ADARB2: variants seen among roughly 807,000 people sequenced by gnomAD.
The protein encoded by ADARB2 is inactive double-stranded RNA-specific editase B2.
ADARB2 carries 25 observed loss-of-function variants against 62.2 expected under a neutral mutation model. That is an observed-to-expected ratio of 0.40 (90% CI 0.29 to 0.56). The LOEUF (loss-of-function observed/expected upper bound fraction) is 0.56. Among genes scored for constraint, ADARB2 ranks in the 20% least tolerant of loss-of-function variants. The pLI is 0.43. For synonymous variants in ADARB2, 572 were observed against 500.8 expected (o/e 1.14, Z -1.90); for missense variants, 1,071 against 1,077.4 (o/e 0.99, Z 0.08).
At chr10:1,625,979 C>T (rs1003454238) in intron 1 of ADARB2, among the ~76,000 whole-genome samples, 1 of 116,468 alleles carries the variant, frequency 8.6e-6, no homozygotes, top group East Asian at 2.1e-4. Flanking sequence ...TGCCCACGCT[C>T]GCTCCAGCAT....
At position 1,363,326 on chromosome 10, in the gene ADARB2, G is replaced by A; in HGVS notation, c.779C>T (p.Ala260Val). The A allele has an allele frequency of 8.1e-7, 1 of 1,238,646 alleles. No individual in the cohort carries two copies. Among genetic ancestry groups the A allele is most frequent in the Non-Finnish European group, 1.0e-6 (1 of 991,184 alleles). 76.7% of individuals were successfully genotyped at this position (1,238,646 alleles called of 1,614,324 possible). ...GGGGGTCGGGCCCACCAGGTCCAGC[G>A]CGCGGCACAGCAGCCGCCGTCGCCC... The part of the protein sequence containing the change: ...AYGRRRLLCR[A>V]LDLVGPTPAT... Residue 260 changes from alanine (A) to valine (V), a missense_variant, in exon 3 of 10, where the codon GCG (alanine) becomes GTG (valine). Transcript: ENST00000381312.
intron 1 of ADARB2, among the ~76,000 whole-genome samples, chr10:1,709,730 C>A (rs187910657): frequency 2.0e-5 from 3 of 152,274 alleles, no homozygotes; most frequent in Admixed American, 1.3e-4. Flanking sequence ...GTATAGATGA[C>A]CCCATGCCTA....
chr10:1,259,651 A>G (rs1564238577), intron 4 of ADARB2, among the ~76,000 whole-genome samples: 1 of 152,216 alleles, frequency 6.6e-6, no homozygotes, highest in African/African-American at 2.4e-5. Flanking sequence ...AATTGAGGCA[A>G]TAATTAATAG....
At chr10:1,409,118 T>C (rs1832732310) in intron 1 of ADARB2, among the ~76,000 whole-genome samples, 1 of 152,086 alleles carries the variant, frequency 6.6e-6, no homozygotes. Context: ...TCACACCACA[T>C]ACCCCTGAAG....
At chr10:1,403,102 A>G (rs1240808697) in intron 1 of ADARB2, among the ~76,000 whole-genome samples, 1 of 152,168 alleles carries the variant, frequency 6.6e-6, no homozygotes, top group East Asian at 1.9e-4. Context: ...AAGCAGCCGG[A>G]GGTGGGGATG....
intron 1 of ADARB2, among the ~76,000 whole-genome samples, chr10:1,580,341 C>A (rs2131999922): frequency 6.6e-6 from 1 of 152,268 alleles, no homozygotes; most frequent in African/African-American, 2.4e-5. Context: ...CTAGCCCCCA[C>A]TTATAAGTGA....
intron 1 of ADARB2, among the ~76,000 whole-genome samples, chr10:1,647,365 A>G (rs1192099868): frequency 2.0e-5 from 3 of 152,188 alleles, no homozygotes; most frequent in Admixed American, 6.5e-5. Flanking sequence ...GTGTGTGCAC[A>G]CGTGTGTCTA....
intron 1 of ADARB2, among the ~76,000 whole-genome samples, chr10:1,510,036 TC>T (rs1291944615): frequency 2.0e-5 from 3 of 151,894 alleles, no homozygotes; most frequent in Non-Finnish European, 4.4e-5. Context: ...TCTCTTTCTT[TC>T]TTTTCTCTCT....
chr10:1,591,360 A>C (rs1220127561), intron 1 of ADARB2, among the ~76,000 whole-genome samples: 1 of 145,266 alleles, frequency 6.9e-6, no homozygotes, highest in Non-Finnish European at 1.5e-5. Flanking sequence ...TCGTACCCCC[A>C]CCCACAGCTC....
chr10:1,471,285 A>G (rs11250550), intron 1 of ADARB2, among the ~76,000 whole-genome samples: 147,831 of 152,340 alleles, frequency 0.97, 71,847 homozygotes, highest in Non-Finnish European at 1. Context: ...TCCACAGAGC[A>G]AGTAGAACTC....
intron 1 of ADARB2, among the ~76,000 whole-genome samples, chr10:1,411,976 C>T (rs192353128): frequency 5.9e-5 from 9 of 152,314 alleles, no homozygotes; most frequent in East Asian, 1.9e-4. Context: ...TTAGAAACGA[C>T]GCATCAGGCT....
At chr10:1,311,418 C>T (rs1339400756) in intron 3 of ADARB2, among the ~76,000 whole-genome samples, 1 of 152,116 alleles carries the variant, frequency 6.6e-6, no homozygotes, top group African/African-American at 2.4e-5. Context: ...CAGGTGCGAT[C>T]CTTCAGATGC....
chr10:1,468,361 A>G (rs1831283533), intron 1 of ADARB2, among the ~76,000 whole-genome samples: 1 of 152,104 alleles, frequency 6.6e-6, no homozygotes, highest in South Asian at 2.1e-4. Context: ...GTCCCTGATG[A>G]GAATGGCCTT....
chr10:1,372,549 C>T (rs566471359), intron 2 of ADARB2, among the ~76,000 whole-genome samples: 2 of 152,270 alleles, frequency 1.3e-5, no homozygotes, highest in African/African-American at 4.8e-5. Flanking sequence ...ATGAAAGACA[C>T]TGTAAGCTGC....
At chr10:1,476,407 T>A (rs2813408) in intron 1 of ADARB2, among the ~76,000 whole-genome samples, 1 of 152,120 alleles carries the variant, frequency 6.6e-6, no homozygotes, top group Non-Finnish European at 1.5e-5. Flanking sequence ...GGGGCTCAGG[T>A]GGTTGCTTTC....
chr10:1,576,056 C>CAGG (rs1476296833), intron 1 of ADARB2, among the ~76,000 whole-genome samples: 11 of 21,078 alleles, frequency 5.2e-4, no homozygotes. Flanking sequence ...GTCAGGGTCA[C>CAGG]AGGAGGGGGC....
At chr10:1,678,228 C>T (rs1013876261) in intron 1 of ADARB2, 3 of 985,108 alleles carry the variant, frequency 3.0e-6, no homozygotes, top group African/African-American at 1.7e-5. Flanking sequence ...GGTGAGCGAC[C>T]TCAGGGTGAG....
chr10:1,250,117 T>A (rs185912678), intron 4 of ADARB2, among the ~76,000 whole-genome samples: 1 of 143,926 alleles, frequency 6.9e-6, no homozygotes, highest in Non-Finnish European at 1.6e-5. Flanking sequence ...AGGTTTAACA[T>A]AATGAATCCT....
chr10:1,446,817 A>G (rs1032151199), intron 1 of ADARB2, among the ~76,000 whole-genome samples: 1 of 152,216 alleles, frequency 6.6e-6, no homozygotes, highest in Admixed American at 6.5e-5. Flanking sequence ...TCTTGTGAAC[A>G]TATTCAACGA....
Sources: allele counts gnomAD v4.1 joint callset (sites outside exome capture counted in the v4.1 genomes callset), GRCh38; gene constraint gnomAD v4.1.1; transcripts MANE v1.5; gene names NCBI Gene and HGNC (gene_info 2026-07-23, HGNC 2026-07-21).